PLPP1: variants seen among roughly 807,000 people sequenced by gnomAD.
PLPP1 encodes the protein lipid phosphate phosphohydrolase 1a.
Under a neutral mutation model 31.2 loss-of-function variants are expected in PLPP1, and 24 were observed. That is an observed-to-expected ratio of 0.77 (90% CI 0.56 to 1.08). The LOEUF is 1.08. Ranked by LOEUF, PLPP1 falls within the 50% of genes least tolerant of loss-of-function variation. The pLI, the probability that PLPP1 is intolerant of heterozygous loss-of-function variation, is 0.00. For synonymous variants in PLPP1, 146 were observed against 126.3 expected (o/e 1.16, Z -1.05); for missense variants, 319 against 342.7 (o/e 0.93, Z 0.55).
chr5:55,480,856 T>C (rs1752654460), intron 1 of PLPP1, among the ~76,000 whole-genome samples: 2 of 152,188 alleles, frequency 1.3e-5, no homozygotes, highest in South Asian at 4.1e-4. Context: ...TTTTAAGAAA[T>C]TGCCAAACTG....
At chr5:55,499,681 CA>C (rs921560837) in intron 1 of PLPP1, among the ~76,000 whole-genome samples, 1 of 132,194 alleles carries the variant, frequency 7.6e-6, no homozygotes, top group African/African-American at 2.7e-5. Context: ...TTTCACTACT[CA>C]AAAAAAAAAT....
In PLPP1 at chr5:55,425,180, G is replaced by C. The variant is rs1360819134; in HGVS notation, c.*26C>G. The C allele has an allele frequency of 2.5e-6, 4 of 1,601,874 alleles. No individual in the cohort carries two copies. The Admixed American group carries it at 7.2e-5, about 29-fold the overall frequency. ...TCATTTTCCTTTAGAAAACAGGCCAGCTTCACCTGGGCACCCTGCTGCCTT... is the reference window on the plus strand; with the variant it reads ...TCATTTTCCTTTAGAAAACAGGCCACCTTCACCTGGGCACCCTGCTGCCTT... On this transcript the variant is annotated 3_prime_UTR_variant, in exon 6 of 6. Transcript: ENST00000307259.
chr5:55,468,257 T>A (rs1561234791), intron 2 of PLPP1, 108 bp from the exon 3 acceptor site: 7 of 1,030,948 alleles, frequency 6.8e-6, no homozygotes, highest in Non-Finnish European at 9.7e-6. Context: ...AATATCTTTG[T>A]TTCAAAAACA....
intron 2 of PLPP1, among the ~76,000 whole-genome samples, chr5:55,474,324 T>C (rs1752490280): frequency 6.6e-6 from 1 of 152,152 alleles, no homozygotes; most frequent in African/African-American, 2.4e-5. Context: ...ATAAATCTTG[T>C]TTATAAAGTC....
chr5:55,477,353 T>C (rs1213382003), intron 1 of PLPP1, among the ~76,000 whole-genome samples: 1 of 151,936 alleles, frequency 6.6e-6, no homozygotes, highest in Non-Finnish European at 1.5e-5. Flanking sequence ...AATGAGCAAA[T>C]TTATTTTGTA....
At chr5:55,440,347 G>A (rs1484147058) in intron 4 of PLPP1, among the ~76,000 whole-genome samples, 1 of 152,180 alleles carries the variant, frequency 6.6e-6, no homozygotes, top group Non-Finnish European at 1.5e-5. Flanking sequence ...GGATAGTAAC[G>A]GCTCTAGCTA....
intron 1 of PLPP1, among the ~76,000 whole-genome samples, chr5:55,499,454 T>A (rs1753071021): frequency 6.6e-6 from 1 of 152,170 alleles, no homozygotes; most frequent in Non-Finnish European, 1.5e-5. Context: ...AGTAAAAAAA[T>A]ATCTGCTCTT....
At chr5:55,462,737 G>A (rs960171171) in intron 3 of PLPP1, among the ~76,000 whole-genome samples, 2 of 152,040 alleles carry the variant, frequency 1.3e-5, no homozygotes, top group Non-Finnish European at 2.9e-5. Context: ...ACTTTGGGAG[G>A]CCAAGGTGGG....
intron 1 of PLPP1, among the ~76,000 whole-genome samples, chr5:55,512,251 AC>A (rs1460633378): frequency 6.6e-6 from 1 of 151,692 alleles, no homozygotes; most frequent in African/African-American, 2.4e-5. Context: ...TGGGTGGATC[AC>A]CTGGGGTCAG....
At chr5:55,467,331 T>C (rs1472557756) in intron 3 of PLPP1, among the ~76,000 whole-genome samples, 1 of 152,116 alleles carries the variant, frequency 6.6e-6, no homozygotes, top group Non-Finnish European at 1.5e-5. Flanking sequence ...GGCTGCTTTC[T>C]TGCTATTAAC....
At chr5:55,500,603 G>A (rs1014690813) in intron 1 of PLPP1, among the ~76,000 whole-genome samples, 6 of 151,988 alleles carry the variant, frequency 3.9e-5, no homozygotes, top group Non-Finnish European at 8.8e-5. Flanking sequence ...TAAAACAAAA[G>A]ACCAAAATCA....
At chr5:55,479,457 G>A (rs952165770) in intron 1 of PLPP1, among the ~76,000 whole-genome samples, 1 of 152,170 alleles carries the variant, frequency 6.6e-6, no homozygotes, top group Admixed American at 6.5e-5. Context: ...CCCACCTAAG[G>A]CTCAAAAAGA....
intron 1 of PLPP1, among the ~76,000 whole-genome samples, chr5:55,503,846 G>GAGGGA (rs1251186890): frequency 2.1e-5 from 2 of 96,094 alleles, no homozygotes; most frequent in African/African-American, 8.1e-5. Flanking sequence ...AAGGGGAGGG[G>GAGGGA]AGAGAGGAGG....
intron 1 of PLPP1, among the ~76,000 whole-genome samples, chr5:55,529,174 C>A (rs919231397): frequency 1.5e-4 from 22 of 151,618 alleles, no homozygotes; most frequent in Non-Finnish European, 2.7e-4. Flanking sequence ...ACACTTCAAC[C>A]CCCTATTGCT....
At position 55,448,654 on chromosome 5, in the gene PLPP1, G is replaced by A. The variant is rs1401586463; in HGVS notation, c.492-6746C>T. On this transcript the variant is annotated intron_variant, in intron 3 of 5. Transcript: ENST00000307259. ...GTAGAGATGGAGTTTCACCATGCTG[G>A]CCAGGCTGGTCTCAAACTCCTGACC... is the stretch of plus-strand genomic sequence containing the variant. Among the ~76,000 whole-genome samples the A allele has an allele frequency of 2.0e-5, 3 of 151,878 alleles. No individual in the cohort carries two copies. In the East Asian group the frequency reaches 5.8e-4, roughly 29 times the overall value.
At chr5:55,442,524 T>C (rs1487787395) in intron 3 of PLPP1, among the ~76,000 whole-genome samples, 3 of 151,844 alleles carry the variant, frequency 2.0e-5, no homozygotes, top group East Asian at 1.9e-4. Flanking sequence ...TGGTGGCGTG[T>C]GCCTGTAGTC....
intron 1 of PLPP1, among the ~76,000 whole-genome samples, chr5:55,525,117 T>C (rs1396153412): frequency 6.6e-6 from 1 of 152,234 alleles, no homozygotes; most frequent in Non-Finnish European, 1.5e-5. Context: ...TGAGTACTCA[T>C]GAGAAACATT....
chr5:55,453,925 A>G (rs185387909), intron 3 of PLPP1, among the ~76,000 whole-genome samples: 7 of 152,274 alleles, frequency 4.6e-5, no homozygotes, highest in Admixed American at 1.3e-4. Flanking sequence ...TGGCCAACAG[A>G]GCAAGACTCT....
intron 3 of PLPP1, among the ~76,000 whole-genome samples, chr5:55,467,052 T>C (rs937969094): frequency 6.6e-6 from 1 of 152,140 alleles, no homozygotes; most frequent in South Asian, 2.1e-4. Flanking sequence ...CATTCATGTC[T>C]AAAGGTGTCC....
Sources: gnomAD v4.1 joint callset for allele counts (sites outside exome capture counted in the v4.1 genomes callset) on GRCh38, gnomAD v4.1.1 for gene constraint, MANE v1.5 for transcripts, NCBI Gene and HGNC (gene_info 2026-07-23, HGNC 2026-07-21) for gene names.